YTHDC2: variants seen among roughly 807,000 people sequenced by gnomAD.
YTHDC2 encodes the protein 3'-5' RNA helicase YTHDC2.
A neutral mutation model predicts 174.9 loss-of-function variants in YTHDC2; 45 were observed. The observed-to-expected ratio is 0.26, with a 90% CI of 0.20 to 0.33. The LOEUF is 0.33. YTHDC2 is among the 10% of genes least tolerant of loss of function. The pLI is 1.00. For synonymous variants in YTHDC2, 657 were observed against 574.5 expected, an observed-to-expected ratio of 1.14 and a Z score of -2.05; for missense variants, 1,650 against 1,723.7, an observed-to-expected ratio of 0.96 and a Z score of 0.76.
At chr5:113,518,501 C>T (rs1277525592) in intron 2 of YTHDC2, among the ~76,000 whole-genome samples, 1 of 151,152 alleles carries the variant, frequency 6.6e-6, no homozygotes, top group Admixed American at 6.6e-5. Flanking sequence ...TGGGCCCAGC[C>T]GATTTTTAAA....
rs1489719822 is a variant in YTHDC2 at position 113,553,590 on chromosome 5, G to A, written c.1868G>A (p.Gly623Asp). Residue 623 changes from glycine to aspartate, a missense_variant and splice_region_variant, in exon 14 of 30, where the codon GGT (glycine) becomes GAT (aspartate). By Grantham distance (94) the Gly-to-Asp change is moderately conservative (BLOSUM62 -1). Coordinates refer to ENST00000161863, the MANE Select transcript of YTHDC2 (RefSeq NM_022828.5). ...LYNICHSCDA[G>D]AVLIFLPGYD... ...TATTAAAAAGTCATTCTTCTCCAAG[G>A]TGCAGTACTAATTTTTCTGCCTGGA... 2 of 1,612,984 alleles carry A rather than the reference G, an allele frequency of 1.2e-6. No homozygotes were observed. The highest frequency in any genetic ancestry group is 2.7e-5 in the African/African-American group (2 of 74,966).
rs1190063375 is a variant in YTHDC2 at position 113,563,897 on chromosome 5, A to G, written c.2481A>G (p.Glu827=). Residue 827 remains glutamate, a synonymous_variant, in exon 20 of 30, where the codon GAA becomes GAG. Coordinates refer to ENST00000161863, the MANE Select transcript of YTHDC2 (RefSeq NM_022828.5). The part of the protein sequence containing the change: ...DAMDTWEDLT[E]LGYHLADLPV... ...TGGATACATGGGAAGATCTGACTGA[A>G]CTTGGGTATCATTTGGCTGACTTGC... 6.2e-7 allele frequency: 1 copy of G among 1,614,180 alleles called. No individual in the cohort carries two copies. The highest frequency in any genetic ancestry group is 2.2e-5 in the East Asian group (1 of 44,870).
intron 21 of YTHDC2, 133 bp downstream of exon 21, chr5:113,566,152 G>T: frequency 9.4e-7 from 1 of 1,067,080 alleles, no homozygotes; most frequent in South Asian, 2.4e-5. Flanking sequence ...TTATATTCAT[G>T]CATGATTTGT....
intron 18 of YTHDC2, among the ~76,000 whole-genome samples, chr5:113,563,069 ATT>A (rs33947858): frequency 3.1e-4 from 46 of 147,858 alleles, no homozygotes; most frequent in Admixed American, 3.4e-4. Context: ...GGGGGAAAAG[ATT>A]TTTTTTTTTT....
intron 7 of YTHDC2, among the ~76,000 whole-genome samples, chr5:113,536,570 T>A (rs1404781769): frequency 2.0e-5 from 3 of 152,116 alleles, no homozygotes; most frequent in Admixed American, 1.3e-4. Flanking sequence ...TTTACTTCAG[T>A]GAAATAATAC....
intron 10 of YTHDC2, among the ~76,000 whole-genome samples, chr5:113,545,727 C>CT (rs1561654277): frequency 1.2e-4 from 10 of 80,346 alleles, no homozygotes; most frequent in Admixed American, 2.7e-4. Context: ...AATTGATCTC[C>CT]ATTTTTTTTT....
chr5:113,574,244 C>G (rs998380289), intron 23 of YTHDC2, among the ~76,000 whole-genome samples: 1 of 152,146 alleles, frequency 6.6e-6, no homozygotes, highest in East Asian at 1.9e-4. Context: ...GGGCTCCCCA[C>G]CAGACCTCAG....
rs762592195 is a variant in YTHDC2, at chr5:113,593,342, T to C, written c.4252T>C (p.Trp1418Arg). ...PLVGEQLLQL[W>R]ERLPLGEKNT... Reference sequence around the variant, plus strand: ...GGTTGGTGAACAGTTGCTCCAGTTATGGGAACGTCTTCCCTTGGGAGAAAA... The same window carrying C: ...GGTTGGTGAACAGTTGCTCCAGTTACGGGAACGTCTTCCCTTGGGAGAAAA... Residue 1418 changes from tryptophan to arginine, a missense_variant, in exon 29 of 30, where the codon TGG becomes CGG. By Grantham distance (101) the Trp-to-Arg change is moderately radical (BLOSUM62 -3). Transcript: ENST00000161863. 1.9e-6 allele frequency: 3 copies of C among 1,612,958 alleles called. No individual in the cohort carries two copies. The highest frequency in any genetic ancestry group is 2.5e-6 in the Non-Finnish European group (3 of 1,179,182).
chr5:113,589,453 G>A (rs1017621522), intron 26 of YTHDC2, among the ~76,000 whole-genome samples: 2 of 141,896 alleles, frequency 1.4e-5, no homozygotes, highest in African/African-American at 2.7e-5. Context: ...CTTCTGGCCC[G>A]GCGTGGTTTA....
chr5:113,515,178 CTATGTA>C, intron 1 of YTHDC2, 88 bp from the exon 2 acceptor site: 1 of 791,224 alleles, frequency 1.3e-6, no homozygotes. Flanking sequence ...ATTTGATTGT[CTATGTA>C]TGTTTTTCAT....
intron 2 of YTHDC2, chr5:113,517,739 G>T (rs1425720132): frequency 3.4e-6 from 1 of 292,800 alleles, no homozygotes; most frequent in Non-Finnish European, 6.9e-6. Flanking sequence ...TTTCTTAGTG[G>T]TCCTTGTGAT....
chr5:113,575,180 A>G (rs1777965636), intron 23 of YTHDC2, among the ~76,000 whole-genome samples: 1 of 152,196 alleles, frequency 6.6e-6, no homozygotes, highest in African/African-American at 2.4e-5. Context: ...CTAATAAGCC[A>G]TCTTGATTGA....
intron 23 of YTHDC2, 43 bp downstream of exon 23, chr5:113,567,892 T>C (rs779103821): frequency 1.4e-6 from 2 of 1,401,498 alleles, no homozygotes; most frequent in African/African-American, 3.0e-5. Context: ...AAATGAATTT[T>C]TTTTTTTTAC....
intron 7 of YTHDC2, among the ~76,000 whole-genome samples, chr5:113,536,939 C>G (rs966574411): frequency 6.6e-6 from 1 of 152,106 alleles, no homozygotes; most frequent in African/African-American, 2.4e-5. Context: ...AACCCTGGAT[C>G]TAGTTCTTTA....
At position 113,565,824 on chromosome 5, in the gene YTHDC2, G is replaced by A. The variant is rs1436302259; in HGVS notation, c.2716-69G>A. ...CGAGGAATTCGTGTAGTGATTTGTA[G>A]TTACTTGTTGCCTCACTAAGAAGCG... On this transcript the variant is annotated intron_variant, in intron 20 of 29. Coordinates refer to ENST00000161863, the MANE Select transcript of YTHDC2 (RefSeq NM_022828.5). 8.6e-6 allele frequency: 13 copies of A among 1,508,424 alleles called. No individual in the cohort carries two copies. In the East Asian group the frequency reaches 2.9e-4, roughly 33 times the overall value. The allele number at this position is 1,508,424 out of a possible 1,614,324, so 93.4% of individuals were successfully genotyped here.
intron 29 of YTHDC2, 36 bp from the exon 30 acceptor site, chr5:113,593,446 C>G (rs1779110498): frequency 1.5e-6 from 2 of 1,357,852 alleles, no homozygotes; most frequent in African/African-American, 2.9e-5. Context: ...AGGAACCTTT[C>G]AGATTATTTA....
chr5:113,550,452 A>T (rs945952486), intron 12 of YTHDC2, among the ~76,000 whole-genome samples: 1 of 152,186 alleles, frequency 6.6e-6, no homozygotes, highest in Non-Finnish European at 1.5e-5. Flanking sequence ...ATAGTATATT[A>T]TTAGGCTAAG....
chr5:113,593,038 T>A, intron 28 of YTHDC2: 1 of 278,056 alleles, frequency 3.6e-6, no homozygotes, highest in East Asian at 6.2e-5. Context: ...TAGAAACAGT[T>A]CCAGGACTCC....
At chr5:113,523,762 C>G (rs1048305267) in intron 2 of YTHDC2, among the ~76,000 whole-genome samples, 1 of 151,984 alleles carries the variant, frequency 6.6e-6, no homozygotes, top group Middle Eastern at 3.4e-3. Context: ...TAGGTTAATC[C>G]CCAGTTTGAT....
Sources: gnomAD v4.1 joint callset for allele counts (sites outside exome capture counted in the v4.1 genomes callset) on GRCh38, gnomAD v4.1.1 for gene constraint, MANE v1.5 for transcripts, NCBI Gene and HGNC (gene_info 2026-07-23, HGNC 2026-07-21) for gene names.